COL19A1: variants seen among roughly 807,000 people sequenced by gnomAD.
COL19A1 encodes collagen alpha-1(XIX) chain.
A neutral mutation model predicts 190.2 loss-of-function variants in COL19A1; 159 were observed. The observed-to-expected ratio is 0.84, with a 90% CI of 0.73 to 0.95. The LOEUF is 0.95. COL19A1 is among the 40% of genes least tolerant of loss of function. The pLI, the probability that COL19A1 is intolerant of heterozygous loss-of-function variation, is 0.00. For missense variants in COL19A1, 1,418 were observed against 1,431.9 expected (o/e 0.99, Z 0.16); for synonymous variants, 509 against 458.9 (o/e 1.11, Z -1.39).
At chr6:70,008,467 A>C (rs1240822260) in intron 11 of COL19A1, among the ~76,000 whole-genome samples, 7 of 151,968 alleles carry the variant, frequency 4.6e-5, no homozygotes, top group African/African-American at 1.7e-4. Context: ...TTAGAAAGTC[A>C]AAAATTACCA....
intron 49 of COL19A1, among the ~76,000 whole-genome samples, chr6:70,205,848 C>T (rs1321491407): frequency 1.3e-5 from 2 of 152,048 alleles, no homozygotes; most frequent in Non-Finnish European, 2.9e-5. Flanking sequence ...GATCTTAGAC[C>T]TAATTCATTT....
At chr6:70,023,448 C>T (rs1004042186) in intron 11 of COL19A1, among the ~76,000 whole-genome samples, 179 bp from the exon 12 acceptor site, 4 of 152,002 alleles carry the variant, frequency 2.6e-5, no homozygotes, top group Admixed American at 6.6e-5. Flanking sequence ...AGCTTTTCTT[C>T]GAACTTTTAA....
chr6:70,199,459 A>G, intron 48 of COL19A1, 149 bp from the exon 49 acceptor site: 1 of 532,898 alleles, frequency 1.9e-6, no homozygotes, highest in South Asian at 4.7e-5. Context: ...GTCTAATCAA[A>G]AAACTCAGCA....
intron 15 of COL19A1, among the ~76,000 whole-genome samples, chr6:70,073,665 G>A (rs1283646260): frequency 6.6e-6 from 1 of 152,126 alleles, no homozygotes; most frequent in African/African-American, 2.4e-5. Flanking sequence ...TGCCCCAGAA[G>A]CTTGAGGCCC....
intron 49 of COL19A1, among the ~76,000 whole-genome samples, chr6:70,203,132 G>C (rs893773027): frequency 2.0e-5 from 3 of 152,116 alleles, no homozygotes; most frequent in Non-Finnish European, 4.4e-5. Context: ...TTATTCTTTC[G>C]AGTGAGTTTT....
chr6:70,083,595 A>T (rs1213228959), intron 15 of COL19A1, among the ~76,000 whole-genome samples: 2 of 152,250 alleles, frequency 1.3e-5, no homozygotes, highest in East Asian at 3.8e-4. Context: ...GAAACAACAA[A>T]AACTTTATCA....
At chr6:69,957,466 T>A (rs1031577510) in intron 9 of COL19A1, among the ~76,000 whole-genome samples, 3 of 152,136 alleles carry the variant, frequency 2.0e-5, no homozygotes, top group African/African-American at 7.2e-5. Flanking sequence ...TTTGCCTGCT[T>A]TATATTACAC....
At chr6:69,983,981 A>T (rs956412429) in intron 11 of COL19A1, among the ~76,000 whole-genome samples, 1 of 152,188 alleles carries the variant, frequency 6.6e-6, no homozygotes, top group South Asian at 2.1e-4. Flanking sequence ...TTGAATACTG[A>T]ATAACCCCTT....
chr6:69,966,182 G>C (rs770666974), intron 11 of COL19A1, among the ~76,000 whole-genome samples: 29 of 152,044 alleles, frequency 1.9e-4, no homozygotes, highest in African/African-American at 6.8e-4. Context: ...CAGCTGCCCC[G>C]TGCGGGAGGT....
chr6:69,913,238 TGTC>T (rs1404976910), intron 4 of COL19A1, among the ~76,000 whole-genome samples: 3 of 152,242 alleles, frequency 2.0e-5, no homozygotes, highest in Non-Finnish European at 4.4e-5. Context: ...TATGTTATAT[TGTC>T]ATTATTATTT....
intron 16 of COL19A1, among the ~76,000 whole-genome samples, chr6:70,120,679 C>A (rs1239309730): frequency 6.6e-6 from 1 of 152,190 alleles, no homozygotes; most frequent in Non-Finnish European, 1.5e-5. Flanking sequence ...AACACCATTA[C>A]TTGTGAGGCC....
At chr6:69,978,287 A>G (rs896097398) in intron 11 of COL19A1, among the ~76,000 whole-genome samples, 2 of 152,214 alleles carry the variant, frequency 1.3e-5, no homozygotes, top group African/African-American at 4.8e-5. Flanking sequence ...AGAGAGACAG[A>G]CACAGAGATA....
chr6:69,985,164 T>C (rs1479206825), intron 11 of COL19A1, among the ~76,000 whole-genome samples: 1 of 152,194 alleles, frequency 6.6e-6, no homozygotes, highest in Non-Finnish European at 1.5e-5. Context: ...GAAATTTTAA[T>C]AGTACAAGGT....
chr6:69,898,862 C>T, intron 2 of COL19A1, 86 bp from the exon 3 acceptor site: 4 of 783,984 alleles, frequency 5.1e-6, no homozygotes, highest in South Asian at 1.7e-5. Flanking sequence ...AATTTATTTC[C>T]ATTTTATCTT....
At chr6:69,925,777 A>T (rs1427670993) in intron 4 of COL19A1, among the ~76,000 whole-genome samples, 1 of 152,100 alleles carries the variant, frequency 6.6e-6, no homozygotes, top group African/African-American at 2.4e-5. Flanking sequence ...AGTGGTTTGT[A>T]GTTCTCCTTG....
chr6:70,164,520 T>C (rs1788008236), intron 36 of COL19A1, among the ~76,000 whole-genome samples: 1 of 152,172 alleles, frequency 6.6e-6, no homozygotes, highest in South Asian at 2.1e-4. Flanking sequence ...CTGCACATTT[T>C]TTTCTGATTT....
intron 14 of COL19A1, among the ~76,000 whole-genome samples, chr6:70,044,761 C>A (rs1779817395): frequency 6.6e-6 from 1 of 152,088 alleles, no homozygotes; most frequent in Non-Finnish European, 1.5e-5. Context: ...AAACTCTGTT[C>A]ATTTTTTTCC....
chr6:70,077,321 A>G (rs1016750746), intron 15 of COL19A1, among the ~76,000 whole-genome samples: 2 of 152,216 alleles, frequency 1.3e-5, no homozygotes, highest in East Asian at 1.9e-4. Flanking sequence ...TATCTTTTAT[A>G]TGATGTACGT....
chr6:69,881,591 T>C (rs546966622), intron 2 of COL19A1, among the ~76,000 whole-genome samples: 2 of 152,338 alleles, frequency 1.3e-5, no homozygotes, highest in South Asian at 4.1e-4. Context: ...TGTATAGGAC[T>C]ACCAAAATGC....
Sources: gnomAD v4.1 joint callset for allele counts (sites outside exome capture counted in the v4.1 genomes callset) on GRCh38, gnomAD v4.1.1 for gene constraint, MANE v1.5 for transcripts, NCBI Gene and HGNC (gene_info 2026-07-23, HGNC 2026-07-21) for gene names.